The following ADAMTS17 variants were observed in gnomAD, a reference collection of about 807,000 sequenced individuals.
ADAMTS17 encodes A disintegrin and metalloproteinase with thrombospondin motifs 17.
In ADAMTS17, 113 loss-of-function variants were observed where a neutral mutation model predicts 141.5. The observed-to-expected ratio is 0.80, with a 90% CI of 0.69 to 0.93. The LOEUF (loss-of-function observed/expected upper bound fraction) is 0.93. ADAMTS17 is among the 40% of genes least tolerant of loss of function. The pLI is 0.00. For missense variants in ADAMTS17, 1,659 were observed against 1,517.9 expected (o/e 1.09, Z -1.54); for synonymous variants, 768 against 630.6 (o/e 1.22, Z -3.27).
intron 18 of ADAMTS17, among the ~76,000 whole-genome samples, chr15:100,030,463 C>G (rs533914340): frequency 6.6e-6 from 1 of 152,308 alleles, no homozygotes; most frequent in Non-Finnish European, 1.5e-5. Flanking sequence ...TCACGCTCCC[C>G]CTACCAGGGC....
intron 10 of ADAMTS17, 71 bp from the exon 11 acceptor site, chr15:100,133,386 G>A: frequency 2.1e-6 from 3 of 1,452,160 alleles, no homozygotes; most frequent in Non-Finnish European, 2.8e-6. Context: ...GGGGTCAGAG[G>A]TGTGGCCCAA....
At chr15:100,069,007 T>A (rs180881510) in intron 15 of ADAMTS17, among the ~76,000 whole-genome samples, 1 of 152,112 alleles carries the variant, frequency 6.6e-6, no homozygotes, top group Non-Finnish European at 1.5e-5. Context: ...AAAGATTACA[T>A]GAATGGCTAA....
At chr15:100,244,350 C>T (rs972037990) in intron 7 of ADAMTS17, among the ~76,000 whole-genome samples, 2 of 143,788 alleles carry the variant, frequency 1.4e-5, no homozygotes, top group African/African-American at 2.6e-5. Context: ...AAGCAAGATT[C>T]GAATGCAGGT....
intron 14 of ADAMTS17, among the ~76,000 whole-genome samples, chr15:100,097,443 G>A (rs1042557372): frequency 2.0e-5 from 3 of 152,196 alleles, no homozygotes; most frequent in African/African-American, 7.2e-5. Context: ...TTCCCGTGAT[G>A]CCTGGACGAG....
intron 12 of ADAMTS17, chr15:100,126,428 C>A (rs974478418): frequency 6.6e-6 from 1 of 152,232 alleles, no homozygotes; most frequent in African/African-American, 2.4e-5. Context: ...ACTTCTCTTA[C>A]TGGGGAAAAA....
rs117246062 is a variant in ADAMTS17 at position 100,329,836 on chromosome 15, A to G, written c.616+1053T>C. Among the ~76,000 whole-genome samples, 1,404 of 152,288 alleles carry G rather than the reference A, an allele frequency of 9.2e-3. 30 individuals are homozygous for G. The highest frequency in any genetic ancestry group is 0.032 in the Admixed American group (489 of 15,304). On this transcript the variant is annotated intron_variant, in intron 3 of 21. Transcript: ENST00000268070. ...AGTCCACACACAGCAGCTGAGCTCA[A>G]CTGCAAAACTTGTTTACAAATAACA... is the stretch of plus-strand genomic sequence containing the variant.
chr15:100,178,248 C>G (rs1014832331), intron 8 of ADAMTS17, among the ~76,000 whole-genome samples: 20 of 152,138 alleles, frequency 1.3e-4, no homozygotes, highest in African/African-American at 4.8e-4. Flanking sequence ...TCTAGACATC[C>G]TGTGGGTTAC....
chr15:100,074,368 A>G (rs911688760), intron 15 of ADAMTS17, among the ~76,000 whole-genome samples: 20 of 150,948 alleles, frequency 1.3e-4, no homozygotes, highest in African/African-American at 4.8e-4. Context: ...CATATATAAC[A>G]TATTTTATGC....
chr15:100,221,019 G>A (rs944793800), intron 7 of ADAMTS17, among the ~76,000 whole-genome samples: 5 of 152,134 alleles, frequency 3.3e-5, no homozygotes, highest in Non-Finnish European at 7.3e-5. Context: ...ATTCTCTTGG[G>A]TACCTACCTA....
intron 8 of ADAMTS17, among the ~76,000 whole-genome samples, chr15:100,165,362 T>C (rs574402038): frequency 5.3e-4 from 80 of 152,244 alleles, no homozygotes; most frequent in Non-Finnish European, 7.2e-4. Context: ...CATCAGCACA[T>C]AGGACAGAGG....
At chr15:100,140,484 C>G (rs369522399) in intron 10 of ADAMTS17, among the ~76,000 whole-genome samples, 11 of 40,828 alleles carry the variant, frequency 2.7e-4, no homozygotes, top group Non-Finnish European at 7.0e-4. Flanking sequence ...CACACACATA[C>G]ATACATATAT....
chr15:100,332,318 G>A (rs1286666791), intron 2 of ADAMTS17, among the ~76,000 whole-genome samples: 2 of 152,242 alleles, frequency 1.3e-5, no homozygotes, highest in Admixed American at 6.5e-5. Flanking sequence ...AGTGGGATCT[G>A]CAGAGCTCCA....
chr15:100,095,194 G>C (rs1165399311), intron 15 of ADAMTS17, among the ~76,000 whole-genome samples: 1 of 152,192 alleles, frequency 6.6e-6, no homozygotes, highest in African/African-American at 2.4e-5. Flanking sequence ...CCACGTGGCA[G>C]GCACAGCTTC....
intron 7 of ADAMTS17, among the ~76,000 whole-genome samples, chr15:100,209,210 C>G (rs536783446): frequency 6.4e-4 from 97 of 151,674 alleles, no homozygotes; most frequent in Non-Finnish European, 1.2e-3. Context: ...AAAGCCCATT[C>G]TTTGGGGGAT....
At chr15:100,150,323 G>T (rs2141341370) in intron 10 of ADAMTS17, among the ~76,000 whole-genome samples, 1 of 152,218 alleles carries the variant, frequency 6.6e-6, no homozygotes, top group Admixed American at 6.5e-5. Flanking sequence ...CCTCTCTTTG[G>T]GGTCTATCTT....
intron 7 of ADAMTS17, among the ~76,000 whole-genome samples, chr15:100,251,685 C>G (rs891501064): frequency 3.3e-5 from 5 of 152,236 alleles, no homozygotes; most frequent in Admixed American, 2.0e-4. Context: ...TTGCAGTGAG[C>G]CCAGATCGTG....
chr15:100,338,324 G>A (rs2046266531), intron 2 of ADAMTS17, among the ~76,000 whole-genome samples: 1 of 152,168 alleles, frequency 6.6e-6, no homozygotes, highest in Non-Finnish European at 1.5e-5. Context: ...CATCTCTGGA[G>A]ACAAACAGCA....
chr15:100,323,251 A>T (rs1252294394), intron 3 of ADAMTS17, among the ~76,000 whole-genome samples: 2 of 152,232 alleles, frequency 1.3e-5, no homozygotes, highest in Non-Finnish European at 2.9e-5. Context: ...AATACATGCA[A>T]GCATTATCAC....
intron 10 of ADAMTS17, among the ~76,000 whole-genome samples, chr15:100,142,572 T>C (rs935691505): frequency 1.3e-5 from 2 of 152,238 alleles, no homozygotes; most frequent in African/African-American, 4.8e-5. Context: ...CTAACTCTCA[T>C]GTCTTCACAA....
Sources: gnomAD v4.1 joint callset for allele counts (sites outside exome capture counted in the v4.1 genomes callset) on GRCh38, gnomAD v4.1.1 for gene constraint, MANE v1.5 for transcripts, NCBI Gene and HGNC (gene_info 2026-07-23, HGNC 2026-07-21) for gene names.